The following CAPN14 variants were observed in gnomAD, a reference collection of about 807,000 sequenced individuals.
The protein encoded by CAPN14 is calpain 14, also known as calpain-14.
Under a neutral mutation model 101.3 loss-of-function variants are expected in CAPN14, and 94 were observed. The ratio of observed to expected loss-of-function variants is 0.93; its 90% CI spans 0.79 to 1.10. The LOEUF (loss-of-function observed/expected upper bound fraction) is 1.10. Ranked by LOEUF, CAPN14 falls within the 50% of genes least tolerant of loss-of-function variation. The probability of loss-of-function intolerance (pLI) is 0.00; values close to 1 mark genes in which losing one functional copy is unlikely to be tolerated. For synonymous variants in CAPN14, 338 were observed against 317.9 expected (o/e 1.06, Z -0.67); for missense variants, 837 against 828.4 (o/e 1.01, Z -0.13).
intron 1 of CAPN14, among the ~76,000 whole-genome samples, chr2:31,212,096 G>C (rs943076084): frequency 1.3e-5 from 2 of 152,094 alleles, no homozygotes; most frequent in African/African-American, 4.8e-5. Context: ...GATCACTTGA[G>C]GTCAAGAGTT....
intron 9 of CAPN14, among the ~76,000 whole-genome samples, chr2:31,193,650 T>C (rs73921577): frequency 0.027 from 4,115 of 152,314 alleles, 191 homozygotes; most frequent in African/African-American, 0.094. Flanking sequence ...TCAATAAGAA[T>C]TACATATCAG....
intron 1 of CAPN14, among the ~76,000 whole-genome samples, chr2:31,206,267 G>C (rs986961174): frequency 2.0e-5 from 3 of 151,938 alleles, no homozygotes; most frequent in African/African-American, 4.8e-5. Context: ...CTGCGCTCCG[G>C]GTCAAGGGTA....
At chr2:31,199,923 G>A (rs1681665094) in intron 6 of CAPN14, among the ~76,000 whole-genome samples, 1 of 152,182 alleles carries the variant, frequency 6.6e-6, no homozygotes, top group Admixed American at 6.5e-5. Context: ...CTTAATAATT[G>A]TTAGCTTCCT....
chr2:31,179,060 C>CTATATA (rs60701103), intron 17 of CAPN14, among the ~76,000 whole-genome samples: 2,476 of 68,810 alleles, frequency 0.036, 43 homozygotes, highest in African/African-American at 0.045. Context: ...TTATTGAGTT[C>CTATATA]TATATATATA....
Position 31,205,304 on chromosome 2 carries a change from G to A in CAPN14, c.144C>T (p.Ser48=), listed in dbSNP as rs1484495525. The A allele has an allele frequency of 1.3e-6, 2 of 1,550,604 alleles. No individual in the cohort carries two copies. The highest frequency in any genetic ancestry group is 1.7e-6 in the Non-Finnish European group (2 of 1,147,002). The change falls in exon 2 of 22, where the codon AGC becomes AGT. Residue 48 remains serine (S), a synonymous_variant. Coordinates refer to ENST00000403897, the MANE Select transcript of CAPN14 (RefSeq NM_001145122.2). ...LRNGCLFEDT[S]FPATLSSIGS... ...CGATGGAGCTCAGGGTGGCCGGGAAGCTGGTGTCTTCAAAGAGGCAGCCAT... is the reference window on the plus strand; with the variant it reads ...CGATGGAGCTCAGGGTGGCCGGGAAACTGGTGTCTTCAAAGAGGCAGCCAT...
At chr2:31,233,673 C>G (rs1344140352) in intron 1 of CAPN14, 2 of 151,992 alleles carry the variant, frequency 1.3e-5, no homozygotes, top group Non-Finnish European at 2.9e-5. Flanking sequence ...ACGATTTTGA[C>G]TTCACCCTAA....
At chr2:31,181,828 C>A (rs1484162869) in intron 16 of CAPN14, among the ~76,000 whole-genome samples, 4 of 150,484 alleles carry the variant, frequency 2.7e-5, no homozygotes, top group African/African-American at 9.9e-5. Flanking sequence ...CAATTTCATC[C>A]ATGTCCCTAC....
chr2:31,205,521 C>CA, intron 1 of CAPN14, 22 bp from the exon 2 acceptor site: 1 of 1,201,628 alleles, frequency 8.3e-7, no homozygotes, highest in South Asian at 1.3e-5. Context: ...AGAGGACGGT[C>CA]AGTTTCCTCA....
intron 16 of CAPN14, among the ~76,000 whole-genome samples, chr2:31,184,074 G>T (rs1158028657): frequency 6.6e-6 from 1 of 152,082 alleles, no homozygotes; most frequent in Non-Finnish European, 1.5e-5. Context: ...GTAGAGACAG[G>T]GTTTCACCAT....
intron 16 of CAPN14, 101 bp from the exon 17 acceptor site, chr2:31,181,101 A>G: frequency 3.5e-6 from 3 of 865,644 alleles, no homozygotes; most frequent in Non-Finnish European, 5.6e-6. Context: ...GCTGATGACC[A>G]CCATGTATGT....
chr2:31,205,164 G>T (rs1867329), intron 2 of CAPN14, 59 bp downstream of exon 2: 182,725 of 1,427,548 alleles, frequency 0.13, 14,069 homozygotes, highest in East Asian at 0.32. Flanking sequence ...CTTAGGCGCA[G>T]TATCTGAAAG....
intron 18 of CAPN14, among the ~76,000 whole-genome samples, chr2:31,178,211 T>C (rs972986177): frequency 2.0e-5 from 3 of 152,176 alleles, no homozygotes; most frequent in Non-Finnish European, 2.9e-5. Flanking sequence ...TGAAAGACTT[T>C]AAATGCCAAG....
intron 12 of CAPN14, among the ~76,000 whole-genome samples, chr2:31,190,066 A>C (rs1310440391): frequency 6.6e-6 from 1 of 152,022 alleles, no homozygotes; most frequent in East Asian, 1.9e-4. Flanking sequence ...AGAACTGGGC[A>C]AGAGCTCAGA....
chr2:31,192,092 A>G lies in CAPN14; in HGVS notation c.1121T>C (p.Phe374Ser), dbSNP rs573139397. The change falls in exon 11 of 22, where the codon TTT becomes TCT. Residue 374 changes from phenylalanine (F) to serine (S), a missense_variant. By Grantham distance (155) the Phe-to-Ser change is radical. Transcript: ENST00000403897. The stretch of plus-strand genomic sequence containing the variant: ...CAGCAGGAACTGCGGGTTCTTCCAA[A>G]ATGTGTCTGGAGCAGAACACAGCAA... ...GGQRQLLQDT[F>S]WKNPQFLLSV... 6.5e-7 allele frequency: 1 copy of G among 1,547,924 alleles called. No individual in the cohort carries two copies. The highest frequency in any genetic ancestry group is 1.2e-5 in the South Asian group (1 of 83,540).
chr2:31,211,499 A>T (rs1414136910), intron 1 of CAPN14, among the ~76,000 whole-genome samples: 2 of 152,148 alleles, frequency 1.3e-5, no homozygotes, highest in Admixed American at 1.3e-4. Context: ...CTTCATAGCG[A>T]CTCAGGTTAC....
upstream of CAPN14, among the ~76,000 whole-genome samples, chr2:31,222,342 T>C (rs545098047): frequency 7.2e-5 from 11 of 152,238 alleles, no homozygotes; most frequent in African/African-American, 2.4e-4. Context: ...CCCGAACACA[T>C]AGCAACCTTC....
intron 1 of CAPN14, among the ~76,000 whole-genome samples, chr2:31,208,523 T>C (rs2148696482): frequency 6.6e-6 from 1 of 152,262 alleles, no homozygotes; most frequent in African/African-American, 2.4e-5. Context: ...AAAACACCCA[T>C]CACAGGTTCC....
rs1488884919 is a variant in CAPN14 at position 31,200,193 on chromosome 2, CG to C, written c.726+257del. ...TAATTTTTGCATTTTTCAGCAGAGACGGGGTTTCACCATATTGGCCAGGCTG... is the reference window on the plus strand; with the variant it reads ...TAATTTTTGCATTTTTCAGCAGAGACGGGTTTCACCATATTGGCCAGGCTG... On this transcript the variant is annotated intron_variant, in intron 6 of 21. Transcript: ENST00000403897. Among the ~76,000 whole-genome samples the C allele has an allele frequency of 2.6e-5, 4 of 152,230 alleles. No homozygotes were observed. In the East Asian group the frequency reaches 7.7e-4, roughly 29 times the overall value.
At chr2:31,175,947 A>G (rs535340816) in intron 21 of CAPN14, among the ~76,000 whole-genome samples, 2 of 152,332 alleles carry the variant, frequency 1.3e-5, no homozygotes, top group African/African-American at 2.4e-5. Flanking sequence ...AGGGAAGATA[A>G]TCAGTTTCAT....
Sources: allele counts gnomAD v4.1 joint callset (sites outside exome capture counted in the v4.1 genomes callset), GRCh38; gene constraint gnomAD v4.1.1; transcripts MANE v1.5; gene names NCBI Gene and HGNC (gene_info 2026-07-23, HGNC 2026-07-21).